Variants in TNIK observed in about 807,000 individuals in gnomAD.
TNIK encodes TRAF2 and NCK interacting kinase, also known as TRAF2 and NCK-interacting protein kinase.
A neutral mutation model predicts 191.3 loss-of-function variants in TNIK; 49 were observed. The ratio of observed to expected loss-of-function variants is 0.26; its 90% confidence interval spans 0.20 to 0.32. The LOEUF is 0.32. Ranked by LOEUF, TNIK falls within the 10% of genes least tolerant of loss-of-function variation. The probability of loss-of-function intolerance (pLI) is 1.00; values close to 1 mark genes in which losing one functional copy is unlikely to be tolerated. For missense variants in TNIK, 1,155 were observed against 1,702.3 expected, an observed-to-expected ratio of 0.68 and a Z score of 5.66; for synonymous variants, 594 against 600.9, an observed-to-expected ratio of 0.99 and a Z score of 0.17.
intron 2 of TNIK, among the ~76,000 whole-genome samples, chr3:171,288,245 C>G (rs1259818345): frequency 1.3e-5 from 2 of 148,574 alleles, no homozygotes; most frequent in Non-Finnish European, 3.0e-5. Flanking sequence ...GTGCAGCGCA[C>G]CAGCATGGCA....
intron 18 of TNIK, among the ~76,000 whole-genome samples, chr3:171,117,106 C>T (rs886259898): frequency 1.3e-5 from 2 of 152,172 alleles, no homozygotes; most frequent in African/African-American, 4.8e-5. Context: ...AAATGGGTCT[C>T]ATGAGACAAC....
intron 1 of TNIK, among the ~76,000 whole-genome samples, chr3:171,407,407 T>C (rs1024626932): frequency 2.4e-4 from 37 of 152,234 alleles, no homozygotes; most frequent in African/African-American, 8.4e-4. Flanking sequence ...GAAATTGCCT[T>C]GTTGCTTTGG....
At chr3:171,367,996 C>G (rs1250162982) in intron 2 of TNIK, among the ~76,000 whole-genome samples, 2 of 152,118 alleles carry the variant, frequency 1.3e-5, no homozygotes, top group Non-Finnish European at 2.9e-5. Context: ...TGTTGACAAC[C>G]TAGCTGCTAA....
chr3:171,376,576 C>T (rs898618684), intron 1 of TNIK, among the ~76,000 whole-genome samples: 4 of 152,034 alleles, frequency 2.6e-5, no homozygotes, highest in African/African-American at 7.3e-5. Flanking sequence ...ATTAGATCAT[C>T]ATAACGACAA....
intron 2 of TNIK, among the ~76,000 whole-genome samples, chr3:171,252,111 C>T (rs1190552445): frequency 3.9e-5 from 6 of 151,920 alleles, no homozygotes; most frequent in Non-Finnish European, 7.4e-5. Flanking sequence ...CTTTACTTAA[C>T]AGCCAAAACA....
intron 4 of TNIK, among the ~76,000 whole-genome samples, chr3:171,206,472 T>C (rs115032695): frequency 0.024 from 3,639 of 151,876 alleles, 136 homozygotes; most frequent in African/African-American, 0.084. Flanking sequence ...TGAGAACTAG[T>C]GGGAAGTGAC....
chr3:171,262,433 T>A (rs1056308706), intron 2 of TNIK, among the ~76,000 whole-genome samples: 1 of 152,062 alleles, frequency 6.6e-6, no homozygotes, highest in Non-Finnish European at 1.5e-5. Flanking sequence ...CCAGAGTCCA[T>A]AAATCAAACA....
chr3:171,309,112 G>A (rs6765169), intron 2 of TNIK, among the ~76,000 whole-genome samples: 54,530 of 151,860 alleles, frequency 0.36, 10,387 homozygotes, highest in Non-Finnish European at 0.42. Flanking sequence ...TATGATCACT[G>A]TAGCACTATT....
intron 19 of TNIK, among the ~76,000 whole-genome samples, chr3:171,108,774 T>G (rs1725374741): frequency 6.6e-6 from 1 of 152,112 alleles, no homozygotes; most frequent in Non-Finnish European, 1.5e-5. Flanking sequence ...CTCAGCCCTT[T>G]AAAAATAAAA....
chr3:171,279,135 GA>G (rs78485143), intron 2 of TNIK, among the ~76,000 whole-genome samples: 8,999 of 146,676 alleles, frequency 0.061, 305 homozygotes, highest in Middle Eastern at 0.12. Flanking sequence ...CTAGCAAAAA[GA>G]AAAAAAAAAC....
intron 11 of TNIK, among the ~76,000 whole-genome samples, chr3:171,161,001 A>G (rs1244607383): frequency 6.6e-6 from 1 of 152,188 alleles, no homozygotes; most frequent in East Asian, 1.9e-4. Context: ...TACCCATTCT[A>G]CGTGTTACAT....
chr3:171,120,642 G>C (rs1046915688), intron 18 of TNIK, among the ~76,000 whole-genome samples: 10 of 152,028 alleles, frequency 6.6e-5, no homozygotes, highest in Non-Finnish European at 4.4e-5. Flanking sequence ...AATTGATTTA[G>C]CACAACAGTG....
At chr3:171,151,807 G>GA (rs1576975273) in intron 12 of TNIK, among the ~76,000 whole-genome samples, 4 of 152,328 alleles carry the variant, frequency 2.6e-5, no homozygotes. Flanking sequence ...GATTCTTAGA[G>GA]AAACTTGCAG....
chr3:171,332,396 A>G (rs1756498273), intron 2 of TNIK, among the ~76,000 whole-genome samples: 1 of 152,242 alleles, frequency 6.6e-6, no homozygotes, highest in African/African-American at 2.4e-5. Context: ...GAGATGGATG[A>G]ACATTTTTAG....
chr3:171,309,470 T>C (rs1753793910), intron 2 of TNIK, among the ~76,000 whole-genome samples: 1 of 152,082 alleles, frequency 6.6e-6, no homozygotes, highest in African/African-American at 2.4e-5. Flanking sequence ...ACCATCTGGG[T>C]GAACAAATAA....
chr3:171,422,715 C>T (rs1447552818), intron 1 of TNIK, among the ~76,000 whole-genome samples: 1 of 152,160 alleles, frequency 6.6e-6, no homozygotes, highest in Non-Finnish European at 1.5e-5. Flanking sequence ...AGCTCATAGT[C>T]CAATAAAACT....
At chr3:171,322,280 C>CT (rs552709932) in intron 2 of TNIK, among the ~76,000 whole-genome samples, 117 of 151,818 alleles carry the variant, frequency 7.7e-4, no homozygotes, top group African/African-American at 2.6e-3. Flanking sequence ...CAATAAATAT[C>CT]TTTTTTTTAG....
intron 2 of TNIK, among the ~76,000 whole-genome samples, chr3:171,264,504 C>T (rs927459540): frequency 3.3e-5 from 5 of 151,896 alleles, no homozygotes; most frequent in African/African-American, 1.2e-4. Context: ...TACAGGCATG[C>T]GCTACCACAC....
intron 18 of TNIK, among the ~76,000 whole-genome samples, chr3:171,115,281 C>T (rs1351215969): frequency 2.6e-5 from 4 of 152,200 alleles, no homozygotes; most frequent in Non-Finnish European, 5.9e-5. Context: ...TAATGTAGCA[C>T]TCCTTTGATT....
Sources: allele counts gnomAD v4.1 joint callset (sites outside exome capture counted in the v4.1 genomes callset), GRCh38; gene constraint gnomAD v4.1.1; transcripts MANE v1.5; gene names NCBI Gene and HGNC (gene_info 2026-07-23, HGNC 2026-07-21).